Variants in KIF26B observed in about 807,000 individuals in gnomAD.
KIF26B encodes kinesin family member 26B, also known as kinesin-like protein KIF26B.
In KIF26B, 63 loss-of-function variants were observed where a neutral mutation model predicts 151.2. The observed-to-expected ratio is 0.42, with a 90% CI of 0.34 to 0.51. The LOEUF is 0.51. Ranked by LOEUF, KIF26B falls within the 20% of genes least tolerant of loss-of-function variation. KIF26B has a pLI of 0.07. For missense variants in KIF26B, 2,813 were observed against 2,913.6 expected (o/e 0.97, Z 0.79); for synonymous variants, 1,357 against 1,262.1 (o/e 1.08, Z -1.59).
chr1:245,177,907 T>C (rs565156975), intron 2 of KIF26B, among the ~76,000 whole-genome samples: 77 of 152,196 alleles, frequency 5.1e-4, no homozygotes, highest in Admixed American at 1.6e-3. Context: ...TAGGGTTTTT[T>C]GTTTAGAGAG....
intron 2 of KIF26B, among the ~76,000 whole-genome samples, chr1:245,219,743 A>C (rs1267057921): frequency 1.3e-5 from 2 of 151,802 alleles, no homozygotes; most frequent in Non-Finnish European, 2.9e-5. Context: ...CCTCCACCCC[A>C]AAAAAAAGAA....
chr1:245,329,559 C>T (rs2102990477), intron 2 of KIF26B, among the ~76,000 whole-genome samples: 1 of 152,298 alleles, frequency 6.6e-6, no homozygotes, highest in East Asian at 1.9e-4. Context: ...GGGTCCAGAC[C>T]CCTCCCGTCC....
chr1:245,465,166 G>A (rs1218513198), intron 4 of KIF26B, among the ~76,000 whole-genome samples: 3 of 152,116 alleles, frequency 2.0e-5, no homozygotes, highest in African/African-American at 7.2e-5. Flanking sequence ...TTTTAGTAGA[G>A]ACGGGGTTTC....
intron 9 of KIF26B, among the ~76,000 whole-genome samples, chr1:245,615,751 C>T (rs539292525): frequency 1.1e-3 from 166 of 152,278 alleles, no homozygotes; most frequent in African/African-American, 3.7e-3. Context: ...GTCGTGCGAT[C>T]GGCAGACCTG....
At chr1:245,659,851 C>T (rs1346224518) in intron 10 of KIF26B, among the ~76,000 whole-genome samples, 2 of 150,084 alleles carry the variant, frequency 1.3e-5, no homozygotes, top group Non-Finnish European at 3.0e-5. Context: ...CCAGACTGAC[C>T]AACATGGCAA....
At chr1:245,585,837 A>G (rs1572142162) in intron 5 of KIF26B, among the ~76,000 whole-genome samples, 1 of 152,312 alleles carries the variant, frequency 6.6e-6, no homozygotes, top group East Asian at 1.9e-4. Flanking sequence ...TGCTACTAGC[A>G]TGCATACAGC....
chr1:245,175,082 C>T (rs933068487), intron 2 of KIF26B, among the ~76,000 whole-genome samples: 6 of 152,142 alleles, frequency 3.9e-5, no homozygotes, highest in South Asian at 2.1e-4. Flanking sequence ...CTGTCTCTCC[C>T]GGTTGAGACT....
chr1:245,493,231 G>T (rs761989279), intron 4 of KIF26B, among the ~76,000 whole-genome samples: 3 of 152,136 alleles, frequency 2.0e-5, no homozygotes, highest in Non-Finnish European at 2.9e-5. Flanking sequence ...GGGTACCCTA[G>T]AGGCAAGTGC....
chr1:245,437,394 G>A (rs1658962548), intron 4 of KIF26B, among the ~76,000 whole-genome samples: 1 of 152,156 alleles, frequency 6.6e-6, no homozygotes, highest in Non-Finnish European at 1.5e-5. Context: ...AGGATCCTGA[G>A]CATTCAGTTT....
chr1:245,189,150 G>C (rs1005040428), intron 2 of KIF26B, among the ~76,000 whole-genome samples: 1 of 152,176 alleles, frequency 6.6e-6, no homozygotes, highest in Non-Finnish European at 1.5e-5. Flanking sequence ...CAATGTGAAC[G>C]TACTGAATGC....
chr1:245,505,119 G>T (rs1348923979), intron 4 of KIF26B, among the ~76,000 whole-genome samples: 1 of 151,758 alleles, frequency 6.6e-6, no homozygotes, highest in African/African-American at 2.4e-5. Context: ...TTGTATTTTA[G>T]TAGAGACGGG....
At chr1:245,652,421 G>A (rs184912687) in intron 10 of KIF26B, among the ~76,000 whole-genome samples, 1 of 152,228 alleles carries the variant, frequency 6.6e-6, no homozygotes, top group East Asian at 1.9e-4. Flanking sequence ...GAATGTCGCT[G>A]GGACATCGAA....
chr1:245,523,925 A>T (rs1301633046), intron 4 of KIF26B, among the ~76,000 whole-genome samples: 1 of 152,252 alleles, frequency 6.6e-6, no homozygotes, highest in African/African-American at 2.4e-5. Flanking sequence ...TGAGAAAAAA[A>T]TTACCTAGAA....
intron 2 of KIF26B, among the ~76,000 whole-genome samples, chr1:245,157,557 C>T (rs1487115903): frequency 6.6e-6 from 1 of 152,240 alleles, no homozygotes; most frequent in Non-Finnish European, 1.5e-5. Flanking sequence ...TTAGGAATGA[C>T]TGCGTCTGCT....
At chr1:245,334,624 G>GAGGGTCAGCAGAGC (rs1672185428) in intron 2 of KIF26B, among the ~76,000 whole-genome samples, 1 of 152,226 alleles carries the variant, frequency 6.6e-6, no homozygotes, top group Admixed American at 6.5e-5. Flanking sequence ...GTCAGCAGAG[G>GAGGGTCAGCAGAGC]AGAAGGGGCA....
At chr1:245,229,053 G>A (rs774767507) in intron 2 of KIF26B, among the ~76,000 whole-genome samples, 3 of 152,076 alleles carry the variant, frequency 2.0e-5, no homozygotes, top group Non-Finnish European at 2.9e-5. Flanking sequence ...TGCAGCCTCC[G>A]CCTCCCAGGT....
chr1:245,389,752 A>G (rs993715136), intron 3 of KIF26B, among the ~76,000 whole-genome samples: 11 of 152,220 alleles, frequency 7.2e-5, no homozygotes, highest in Admixed American at 4.6e-4. Flanking sequence ...GTACATGCGC[A>G]TAATTTAAAG....
In KIF26B at chr1:245,448,033, C is replaced by T. The variant is rs374668569; in HGVS notation, c.1166+28288C>T. Among the ~76,000 whole-genome samples, 22 of 152,366 alleles carry T rather than the reference C, an allele frequency of 1.4e-4. No individual in the cohort carries two copies. In the East Asian group the frequency reaches 1.5e-3, roughly 11 times the overall value. ...TGAAGCCAAGAACTCTTGTGGGCTACGCCCCACTTTGGGGCTCACATGCCC... is the reference window on the plus strand; with the variant it reads ...TGAAGCCAAGAACTCTTGTGGGCTATGCCCCACTTTGGGGCTCACATGCCC... On this transcript the variant is annotated intron_variant, in intron 4 of 14. Transcript: ENST00000407071.
intron 4 of KIF26B, among the ~76,000 whole-genome samples, chr1:245,448,956 A>C (rs2103051713): frequency 6.6e-6 from 1 of 152,346 alleles, no homozygotes; most frequent in African/African-American, 2.4e-5. Flanking sequence ...TAAATCCTTA[A>C]AGCAATACAA....
Sources: gnomAD v4.1 joint callset for allele counts (sites outside exome capture counted in the v4.1 genomes callset) on GRCh38, gnomAD v4.1.1 for gene constraint, MANE v1.5 for transcripts, NCBI Gene and HGNC (gene_info 2026-07-23, HGNC 2026-07-21) for gene names.